Variants in CDKL5 observed in about 807,000 individuals in gnomAD.
The protein encoded by CDKL5 is cyclin-dependent kinase-like 5.
In CDKL5, 8 loss-of-function variants were observed where a neutral mutation model predicts 61.7. The observed-to-expected ratio is 0.13, with a 90% confidence interval of 0.08 to 0.23. CDKL5 has a LOEUF of 0.23. Ranked by LOEUF, CDKL5 falls within the 10% of genes least tolerant of loss-of-function variation. The pLI is 1.00. For synonymous variants in CDKL5, 275 were observed against 272.3 expected (o/e 1.01, Z -0.10); for missense variants, 440 against 734.5 (o/e 0.60, Z 4.63).
intron 1 of CDKL5, among the ~76,000 whole-genome samples, chrX:18,495,718 C>A (rs1383129895): frequency 9.0e-6 from 1 of 111,628 alleles, no homozygotes; most frequent in Non-Finnish European, 1.9e-5. Flanking sequence ...ACTCTTTGTA[C>A]TGCCTTGAAC....
At chrX:18,609,271 G>A (rs778531483) in intron 13 of CDKL5, among the ~76,000 whole-genome samples, 194 bp from the exon 14 acceptor site, 3 of 110,899 alleles carry the variant, frequency 2.7e-5, no homozygotes, top group Non-Finnish European at 5.7e-5. Flanking sequence ...GCGTGTGCCT[G>A]TAGTCCCAGC....
At chrX:18,440,715 C>T (rs969516224) in intron 1 of CDKL5, among the ~76,000 whole-genome samples, 16 of 111,554 alleles carry the variant, frequency 1.4e-4, no homozygotes, top group African/African-American at 5.2e-4. Flanking sequence ...TCAGGTGATC[C>T]ACCCACTTCA....
rs369123557 is a variant in CDKL5, at chrX:18,653,391, G to A, written c.2981-41G>A. On this transcript the variant is annotated intron_variant, in intron 21 of 21. Transcript: ENST00000379989. Reference sequence around the variant, plus strand: ...CCAGAGTGCACCTGCTAGCGCTCCTGGCAGCTCTGAGTGACCCCGCTGTCC... The same window carrying A: ...CCAGAGTGCACCTGCTAGCGCTCCTAGCAGCTCTGAGTGACCCCGCTGTCC... 5.0e-6 allele frequency: 6 copies of A among 1,201,502 alleles called. No homozygotes were observed. In the African/African-American group the frequency reaches 8.8e-5, roughly 18 times the overall value.
intron 2 of CDKL5, among the ~76,000 whole-genome samples, chrX:18,510,576 GAAATTTTCTTTAAAAAGAA>G (rs1922791814): frequency 8.9e-6 from 1 of 112,503 alleles, no homozygotes; most frequent in Admixed American, 9.4e-5. Flanking sequence ...TATCGCCAGT[GAAATTTTCTTTAAAAAGAA>G]ACATTTAAAA....
intron 20 of CDKL5, chrX:18,650,158 G>A (rs186638908): frequency 6.6e-4 from 285 of 431,209 alleles, no homozygotes; most frequent in African/African-American, 4.9e-3. Context: ...ACTCCAGAGC[G>A]GTCTGTAGCC....
At chrX:18,559,157 C>A (rs748231070) in intron 3 of CDKL5, among the ~76,000 whole-genome samples, 4 of 112,366 alleles carry the variant, frequency 3.6e-5, no homozygotes, top group South Asian at 7.3e-4. Flanking sequence ...AGGCCAAATG[C>A]CAGTCCTGGT....
At chrX:18,524,119 T>C (rs769701655) in intron 3 of CDKL5, among the ~76,000 whole-genome samples, 247 of 112,286 alleles carry the variant, frequency 2.2e-3, no homozygotes, top group African/African-American at 7.8e-3. Context: ...CAGTGCTTTG[T>C]TGAATAGAAG....
chrX:18,562,861 A>G (rs146791770), intron 3 of CDKL5, among the ~76,000 whole-genome samples: 1,153 of 112,099 alleles, frequency 0.01, 6 homozygotes, highest in Non-Finnish European at 0.014. Flanking sequence ...GACCCCCATT[A>G]GCCATCTGCT....
intron 3 of CDKL5, among the ~76,000 whole-genome samples, chrX:18,511,855 A>T (rs1922843092): frequency 8.9e-6 from 1 of 112,061 alleles, no homozygotes; most frequent in South Asian, 3.6e-4. Context: ...AGTTTTTTTA[A>T]AAATTATTTT....
chrX:18,452,672 G>A (rs907869489), intron 1 of CDKL5, among the ~76,000 whole-genome samples: 2 of 109,837 alleles, frequency 1.8e-5, no homozygotes, highest in African/African-American at 6.6e-5. Context: ...CTCCTCAAGT[G>A]TATGGTTCTC....
At chrX:18,464,092 G>GTGT (rs1932349799) in intron 1 of CDKL5, among the ~76,000 whole-genome samples, 1 of 109,104 alleles carries the variant, frequency 9.2e-6, no homozygotes, top group Admixed American at 9.9e-5. Context: ...TGATTTGAAT[G>GTGT]TGAGTTCACA....
At chrX:18,515,462 C>A (rs1449529667) in intron 3 of CDKL5, among the ~76,000 whole-genome samples, 1 of 111,345 alleles carries the variant, frequency 9.0e-6, no homozygotes, top group African/African-American at 3.3e-5. Flanking sequence ...TATAAGTGTT[C>A]AATAAATAAT....
At chrX:18,440,756 G>C (rs981064966) in intron 1 of CDKL5, among the ~76,000 whole-genome samples, 1 of 111,515 alleles carries the variant, frequency 9.0e-6, no homozygotes, top group East Asian at 2.8e-4. Flanking sequence ...TCTTTAAATG[G>C]GTATGTCTTT....
chrX:18,603,104 A>G (rs1257074149), intron 11 of CDKL5, among the ~76,000 whole-genome samples: 1 of 111,991 alleles, frequency 8.9e-6, no homozygotes, highest in Admixed American at 9.5e-5. Flanking sequence ...AGGAGGGCTC[A>G]GTCGGTCTAG....
At chrX:18,599,817 A>C (rs1926122321) in intron 11 of CDKL5, among the ~76,000 whole-genome samples, 1 of 111,674 alleles carries the variant, frequency 9.0e-6, no homozygotes, top group Non-Finnish European at 1.9e-5. Context: ...CTGCAACCCC[A>C]AATTTTCCAT....
At chrX:18,621,386 T>C (rs910211769) in intron 16 of CDKL5, among the ~76,000 whole-genome samples, 1 of 112,041 alleles carries the variant, frequency 8.9e-6, no homozygotes, top group Non-Finnish European at 1.9e-5. Context: ...TTTATGTATT[T>C]CCTTATAAAA....
chrX:18,630,970 C>G lies in CDKL5; in HGVS notation c.*2213C>G. On this transcript the variant is annotated 3_prime_UTR_variant, in exon 18 of 18. Coordinates refer to ENST00000623535, the MANE Select transcript of CDKL5 (RefSeq NM_001323289.2). ...ACTAGATCTCTACCTTGTATTCCCC[C>G]CTTGCAAACCAGAAACTACACTTTT... The G allele has an allele frequency of 1.1e-5, 8 of 747,824 alleles. No individual in the cohort carries two copies. Among genetic ancestry groups the G allele is most frequent in the East Asian group, 1.5e-4 (1 of 6,514 alleles). 61.6% of individuals were successfully genotyped at this position (747,824 alleles called of 1,213,427 possible).
chrX:18,587,811 T>C (rs1417996444), intron 8 of CDKL5, 143 bp from the exon 9 acceptor site: 1 of 549,042 alleles, frequency 1.8e-6, no homozygotes, highest in Non-Finnish European at 3.1e-6. Flanking sequence ...ATGATTTGCT[T>C]TTCAGCCTTC....
chrX:18,427,345 G>T, intron 1 of CDKL5, among the ~76,000 whole-genome samples: 1 of 102,704 alleles, frequency 9.7e-6, no homozygotes, highest in Non-Finnish European at 2.0e-5. Flanking sequence ...AGGTGAGGGT[G>T]GTTGAGGGGG....
Sources: allele counts gnomAD v4.1 joint callset (sites outside exome capture counted in the v4.1 genomes callset), GRCh38; gene constraint gnomAD v4.1.1; transcripts MANE v1.5; gene names NCBI Gene and HGNC (gene_info 2026-07-23, HGNC 2026-07-21).